DARS1: variants seen among roughly 807,000 people sequenced by gnomAD.
The protein encoded by DARS1 is aspartyl-tRNA synthetase 1, also known as aspartate--tRNA ligase, cytoplasmic.
In DARS1, 51 loss-of-function variants were observed where a neutral mutation model predicts 68.8. The observed-to-expected ratio is 0.74, with a 90% CI of 0.59 to 0.94. The LOEUF is 0.94. DARS1 is among the 40% of genes least tolerant of loss of function. The probability of loss-of-function intolerance (pLI) is 0.00; values close to 1 mark genes in which losing one functional copy is unlikely to be tolerated. For synonymous variants in DARS1, 203 were observed against 190.4 expected, an observed-to-expected ratio of 1.07 and a Z score of -0.55; for missense variants, 607 against 597.3, an observed-to-expected ratio of 1.02 and a Z score of -0.17.
Position 135,983,447 on chromosome 2 carries a change from G to C in DARS1, c.74C>G (p.Ala25Gly). The stretch of plus-strand genomic sequence containing the variant: ...TGAAGATATTCCATATCTCTCTTTA[G>C]CATAATCCTACAAAAAAAGTTTTTT... ...REIMDAAEDY[A>G]KERYGISSMI... is the part of the protein sequence containing the mutation. The change falls in exon 2 of 16, where the codon GCT becomes GGT. Residue 25 changes from alanine (A) to glycine (G), a missense_variant. Ala to Gly is a moderately conservative substitution (Grantham distance 60). Transcript: ENST00000264161. 2 of 1,173,012 alleles carry C rather than the reference G, an allele frequency of 1.7e-6. No homozygotes were observed. Among genetic ancestry groups the C allele is most frequent in the South Asian group, 2.6e-5 (2 of 76,836 alleles). 72.7% of individuals were successfully genotyped at this position (1,173,012 alleles called of 1,614,324 possible).
At chr2:135,980,298 C>G (rs777177321) in intron 2 of DARS1, 10 of 152,206 alleles carry the variant, frequency 6.6e-5, no homozygotes, top group African/African-American at 9.7e-5. Flanking sequence ...TGCTACTCTT[C>G]TAAATGCAAT....
intron 3 of DARS1, among the ~76,000 whole-genome samples, chr2:135,963,896 G>T (rs2104836058): frequency 6.6e-6 from 1 of 151,640 alleles, no homozygotes; most frequent in East Asian, 1.9e-4. Context: ...GGTCAGGCTG[G>T]TCTCGAACTC....
At chr2:135,917,589 C>A (rs1050504730) in intron 10 of DARS1, among the ~76,000 whole-genome samples, 1 of 152,016 alleles carries the variant, frequency 6.6e-6, no homozygotes. Context: ...GATCCTCCCA[C>A]CTGAAGCCTC....
rs1475988789 is a variant in DARS1, at chr2:135,922,840, A to G, written c.755T>C (p.Leu252Pro). 12 of 1,591,966 alleles carry G rather than the reference A, an allele frequency of 7.5e-6. No individual in the cohort carries two copies. The highest frequency in any genetic ancestry group is 1.0e-5 in the Non-Finnish European group (12 of 1,170,208). Residue 252 changes from leucine (L) to proline (P), a missense_variant, in exon 9 of 16, where the codon CTA becomes CCA. Transcript: ENST00000264161. Reference protein sequence around the residue: ...NNAYLAQSPQLYKQMCICADF... With the variant: ...NNAYLAQSPQPYKQMCICADF... ...AGCACAAATGCACATTTGCTTATAT[A>G]GCTGTGGGGACTGAGCCAGGTATGC...
chr2:135,980,301 A>G (rs1440785389), intron 2 of DARS1: 1 of 152,254 alleles, frequency 6.6e-6, no homozygotes, highest in Admixed American at 6.5e-5. Context: ...TACTCTTCTA[A>G]ATGCAATCAT....
intron 3 of DARS1, among the ~76,000 whole-genome samples, chr2:135,969,577 G>A (rs1682321510): frequency 6.7e-6 from 1 of 150,252 alleles, no homozygotes; most frequent in Non-Finnish European, 1.5e-5. Flanking sequence ...GATTATAAAT[G>A]CAAAATTCCA....
In DARS1 at chr2:135,961,406, AT is replaced by A; in HGVS notation, c.309del (p.Lys103AsnfsTer14). 7.1e-7 allele frequency: 1 copy of A among 1,410,780 alleles called. No individual in the cohort carries two copies. The highest frequency in any genetic ancestry group is 1.0e-6 in the Non-Finnish European group (1 of 994,032). The allele number at this position is 1,410,780 out of a possible 1,614,324, so 87.4% of individuals were successfully genotyped here. ...TAATTGCTTACTTACTTGGCAGCAA[AT>A]TTAACCATCTGCTTGCTTGCATGGT... ...VGDHASKQMV[K>X]FAANINKESI... On this transcript the variant is annotated frameshift_variant, in exon 4 of 16. Coordinates refer to ENST00000264161, the MANE Select transcript of DARS1 (RefSeq NM_001349.4). LOFTEE classifies it high-confidence loss of function.
chr2:135,914,124 T>C (rs1213858016), intron 12 of DARS1, among the ~76,000 whole-genome samples: 1 of 152,232 alleles, frequency 6.6e-6, no homozygotes, highest in Non-Finnish European at 1.5e-5. Flanking sequence ...TGAAGTCTCA[T>C]GAGACAGCAG....
chr2:135,912,223 T>C (rs1440134026), intron 13 of DARS1, among the ~76,000 whole-genome samples: 1 of 152,230 alleles, frequency 6.6e-6, no homozygotes, highest in African/African-American at 2.4e-5. Flanking sequence ...ATTTATAATT[T>C]ACATAGTCTT....
intron 3 of DARS1, among the ~76,000 whole-genome samples, chr2:135,976,110 T>C (rs1364086605): frequency 1.3e-5 from 2 of 152,234 alleles, no homozygotes; most frequent in Non-Finnish European, 2.9e-5. Flanking sequence ...ATTAAAAATA[T>C]TGTAAATGAT....
chr2:135,943,631 T>G, intron 4 of DARS1, 151 bp from the exon 5 acceptor site: 1 of 1,250,568 alleles, frequency 8.0e-7, no homozygotes, highest in South Asian at 1.9e-5. Context: ...CTACTTAGAA[T>G]AAGCTATTAC....
chr2:135,954,867 A>G (rs946949333), intron 4 of DARS1, among the ~76,000 whole-genome samples: 4 of 152,140 alleles, frequency 2.6e-5, no homozygotes, highest in Admixed American at 6.5e-5. Context: ...ATGACAGAAG[A>G]TGGGCAGCAT....
At chr2:135,929,805 G>A (rs1420068409) in intron 7 of DARS1, among the ~76,000 whole-genome samples, 4 of 152,184 alleles carry the variant, frequency 2.6e-5, no homozygotes, top group East Asian at 1.9e-4. Context: ...TTGTTTAAGC[G>A]TTTTGTGGCT....
At chr2:135,984,829 T>G (rs563659624) in intron 1 of DARS1, among the ~76,000 whole-genome samples, 2 of 152,100 alleles carry the variant, frequency 1.3e-5, no homozygotes, top group Admixed American at 6.5e-5. Flanking sequence ...TCCACGTGAT[T>G]TGGGGTCACT....
At chr2:135,924,594 C>A in intron 7 of DARS1, 96 bp from the exon 8 acceptor site, 2 of 1,459,408 alleles carry the variant, frequency 1.4e-6, no homozygotes, top group South Asian at 2.9e-5. Flanking sequence ...ACAATTCTTG[C>A]TTTCAACATT....
chr2:135,933,809 C>T, intron 6 of DARS1, 101 bp downstream of exon 6: 1 of 1,378,434 alleles, frequency 7.3e-7, no homozygotes, highest in Non-Finnish European at 9.5e-7. Context: ...AACAATGGAG[C>T]TCAAAATCAA....
At chr2:135,922,246 A>G (rs1681121155) in intron 9 of DARS1, among the ~76,000 whole-genome samples, 1 of 152,200 alleles carries the variant, frequency 6.6e-6, no homozygotes, top group Non-Finnish European at 1.5e-5. Context: ...TAAAATTGAT[A>G]GCAAATTAGA....
chr2:135,921,183 G>A (rs1166100314), intron 9 of DARS1, among the ~76,000 whole-genome samples: 1 of 149,964 alleles, frequency 6.7e-6, no homozygotes, highest in Non-Finnish European at 1.5e-5. Context: ...ACTCTAGTTC[G>A]ACTCATCTTT....
chr2:135,920,741 C>T (rs539053759), intron 9 of DARS1, 141 bp from the exon 10 acceptor site: 3 of 1,118,032 alleles, frequency 2.7e-6, no homozygotes, highest in Non-Finnish European at 3.5e-6. Context: ...TCTGATGAAC[C>T]ATCTGTTTGA....
Sources: allele counts gnomAD v4.1 joint callset (sites outside exome capture counted in the v4.1 genomes callset), GRCh38; gene constraint gnomAD v4.1.1; transcripts MANE v1.5; gene names NCBI Gene and HGNC (gene_info 2026-07-23, HGNC 2026-07-21).